Variants in GUCY1A1 observed in about 807,000 individuals in gnomAD.
GUCY1A1 encodes guanylate cyclase 1 soluble subunit alpha 1, also known as guanylate cyclase soluble subunit alpha-1.
A neutral mutation model predicts 64.5 loss-of-function variants in GUCY1A1; 48 were observed. The ratio of observed to expected loss-of-function variants is 0.74; its 90% CI spans 0.59 to 0.95. The LOEUF (loss-of-function observed/expected upper bound fraction) is 0.95. GUCY1A1 is among the 40% of genes least tolerant of loss of function. The probability of loss-of-function intolerance (pLI) is 0.00; values close to 1 mark genes in which losing one functional copy is unlikely to be tolerated. For missense variants in GUCY1A1, 804 were observed against 825.3 expected, an observed-to-expected ratio of 0.97 and a Z score of 0.32; for synonymous variants, 308 against 303.4, an observed-to-expected ratio of 1.02 and a Z score of -0.16.
chr4:155,717,319 A>AT lies in GUCY1A1; in HGVS notation c.1716+19dup. 6.5e-7 allele frequency: 1 copy of AT among 1,528,422 alleles called. No individual in the cohort carries two copies. The allele number at this position is 1,528,422 out of a possible 1,614,324, so 94.7% of individuals were successfully genotyped here. A position where few individuals can be genotyped will look rare whatever the true frequency, so the allele number is the denominator to read the frequency against. On this transcript the variant is annotated intron_variant, in intron 8 of 9. Coordinates refer to ENST00000506455, the MANE Select transcript of GUCY1A1 (RefSeq NM_001130682.3). ...CCTATCAAGGTAAGGCAGATGATAT[A>AT]TTGTCCAAAAGATGTCACAAGAGCA...
intron 2 of GUCY1A1, among the ~76,000 whole-genome samples, chr4:155,679,512 GGAGA>G (rs1488340683): frequency 6.6e-6 from 1 of 152,042 alleles, no homozygotes; most frequent in Non-Finnish European, 1.5e-5. Flanking sequence ...AGGAAGCGAG[GGAGA>G]GAGAGAGGAG....
intron 8 of GUCY1A1, among the ~76,000 whole-genome samples, chr4:155,719,396 C>T (rs760288033): frequency 3.3e-5 from 5 of 151,986 alleles, no homozygotes; most frequent in African/African-American, 9.7e-5. Context: ...GACTTAACAT[C>T]GTCTCATTTA....
At chr4:155,693,375 C>T (rs1015345711) in intron 2 of GUCY1A1, among the ~76,000 whole-genome samples, 2 of 152,124 alleles carry the variant, frequency 1.3e-5, no homozygotes, top group Non-Finnish European at 2.9e-5. Context: ...TTTCCCTTAC[C>T]ATGTTACTAC....
In GUCY1A1 at chr4:155,713,225, T is replaced by A. The variant is rs748524479; in HGVS notation, c.1214T>A (p.Ile405Asn). The A allele has an allele frequency of 6.2e-7, 1 of 1,614,050 alleles. No individual in the cohort carries two copies. The highest frequency in any genetic ancestry group is 1.1e-5 in the South Asian group (1 of 91,078). The change falls in exon 7 of 10, where the codon ATT (isoleucine) becomes AAT (asparagine). Residue 405 changes from isoleucine (I) to asparagine (N), a missense_variant. Physicochemically the swap from Ile to Asn is moderately radical, Grantham distance 149. Coordinates refer to ENST00000506455, the MANE Select transcript of GUCY1A1 (RefSeq NM_001130682.3). ...GGGCTCTACCTCTCAGACATCCCAA[T>A]TCACAATGCACTGAGGGATGTGGTC... Reference protein sequence around the residue: ...GRGLYLSDIPIHNALRDVVLI... With the variant: ...GRGLYLSDIPNHNALRDVVLI...
chr4:155,688,964 G>A (rs550673295), intron 2 of GUCY1A1, among the ~76,000 whole-genome samples: 1 of 151,548 alleles, frequency 6.6e-6, no homozygotes, highest in Admixed American at 6.6e-5. Context: ...GAGTTATGGA[G>A]ACAAGAGAAA....
At chr4:155,721,348 A>G (rs1733936150) in intron 8 of GUCY1A1, among the ~76,000 whole-genome samples, 2 of 152,174 alleles carry the variant, frequency 1.3e-5, no homozygotes, top group Admixed American at 6.6e-5. Flanking sequence ...TTTTGCCACA[A>G]CACATCCCAG....
rs1221071399 is a variant in GUCY1A1, at chr4:155,730,382, AAATG to A, written c.*152_*155del. ...AATCTTTCTCCTGTTTAACATGACA[AAATG>A]TATGTACTCACTTCAGTACTTCAGC... On this transcript the variant is annotated 3_prime_UTR_variant, in exon 10 of 10. Transcript: ENST00000506455. The A allele has an allele frequency of 2.1e-6, 1 of 469,818 alleles. No individual in the cohort carries two copies. Among genetic ancestry groups the A allele is most frequent in the African/African-American group, 5.8e-5 (1 of 17,296 alleles). The allele number at this position is 469,818 out of a possible 1,614,324, so 29.1% of individuals were successfully genotyped here.
chr4:155,693,600 T>C (rs938071280), intron 2 of GUCY1A1, among the ~76,000 whole-genome samples: 3 of 152,170 alleles, frequency 2.0e-5, no homozygotes, highest in Non-Finnish European at 4.4e-5. Flanking sequence ...CATAGTGTAA[T>C]TTCATCAGTT....
At chr4:155,713,670 C>G (rs1399250058) in intron 7 of GUCY1A1, 87 bp downstream of exon 7, 1 of 1,414,788 alleles carries the variant, frequency 7.1e-7, no homozygotes. Flanking sequence ...TATAATGCAA[C>G]TGAAAGGCCA....
chr4:155,713,333 A>G lies in GUCY1A1; in HGVS notation c.1322A>G (p.Gln441Arg). The change falls in exon 7 of 10, where the codon CAA becomes CGA. Residue 441 changes from glutamine (Q) to arginine (R), a missense_variant. Transcript: ENST00000506455. ...AAGGCTACCCTTGAGCAAGCCCACC[A>G]AGCCCTGGAGGAGGAGAAGAAAAAG... Reference protein sequence around the residue: ...KLKATLEQAHQALEEEKKKTV... With the variant: ...KLKATLEQAHRALEEEKKKTV... The G allele has an allele frequency of 6.2e-7, 1 of 1,614,190 alleles. No individual in the cohort carries two copies. The highest frequency in any genetic ancestry group is 8.5e-7 in the Non-Finnish European group (1 of 1,180,026).
intron 8 of GUCY1A1, 122 bp downstream of exon 8, chr4:155,717,424 T>G: frequency 1.9e-6 from 1 of 523,274 alleles, no homozygotes; most frequent in Non-Finnish European, 3.2e-6. Flanking sequence ...AAAATCTATA[T>G]AGAGAACACA....
At chr4:155,672,416 T>G (rs1402476108) in intron 2 of GUCY1A1, among the ~76,000 whole-genome samples, 1 of 152,206 alleles carries the variant, frequency 6.6e-6, no homozygotes, top group Admixed American at 6.5e-5. Flanking sequence ...TATAAGGCTG[T>G]TCAACCAGTT....
Position 155,722,178 on chromosome 4 carries a change from C to T in GUCY1A1, c.1857C>T (p.Ser619=). ...GTGTACCACGAAAAATCAATGTCAGCCCAACAACTTACAGGTAGTAATTAT... is the reference window on the plus strand; with the variant it reads ...GTGTACCACGAAAAATCAATGTCAGTCCAACAACTTACAGGTAGTAATTAT... ...SCSVPRKINV[S]PTTYRLLKDC... The change falls in exon 9 of 10, where the codon AGC becomes AGT. Residue 619 remains serine, a synonymous_variant. Transcript: ENST00000506455. 1 of 1,612,224 alleles carries T rather than the reference C, an allele frequency of 6.2e-7. No individual in the cohort carries two copies. Among genetic ancestry groups the T allele is most frequent in the South Asian group, 1.1e-5 (1 of 90,862 alleles).
intron 2 of GUCY1A1, among the ~76,000 whole-genome samples, chr4:155,696,127 GT>G (rs1281465829): frequency 1.3e-5 from 2 of 151,972 alleles, no homozygotes; most frequent in Non-Finnish European, 2.9e-5. Flanking sequence ...GAGTTCTGAT[GT>G]TTTTTTCATT....
At chr4:155,688,295 G>T (rs919840614) in intron 2 of GUCY1A1, among the ~76,000 whole-genome samples, 8 of 151,868 alleles carry the variant, frequency 5.3e-5, no homozygotes, top group African/African-American at 1.9e-4. Context: ...GTGTGTGTAT[G>T]TAAGTATGTA....
rs998839469 is a variant in GUCY1A1 at position 155,733,277 on chromosome 4, G to C, written c.*3046G>C. On this transcript the variant is annotated 3_prime_UTR_variant, in exon 10 of 10. Transcript: ENST00000506455. ...CACAAAGTAGGGGACTCAGTTCTTA[G>C]AGAAGTCTTTTGGTCTTAGAGTTCA... Among the ~76,000 whole-genome samples the C allele has an allele frequency of 2.6e-5, 4 of 151,686 alleles. No individual in the cohort carries two copies. Among genetic ancestry groups the C allele is most frequent in the African/African-American group, 9.7e-5 (4 of 41,346 alleles).
At chr4:155,708,426 G>A (rs540495907) in intron 5 of GUCY1A1, 132 bp downstream of exon 5, 101 of 549,162 alleles carry the variant, frequency 1.8e-4, no homozygotes, top group Non-Finnish European at 1.3e-4. Flanking sequence ...TTCTGTTAAC[G>A]TAAAGAGTAA....
At position 155,730,389 on chromosome 4, in the gene GUCY1A1, T is replaced by C. The variant is rs991036577; in HGVS notation, c.*158T>C. 1.5e-5 allele frequency: 7 copies of C among 480,442 alleles called. No homozygotes were observed. Among genetic ancestry groups the C allele is most frequent in the East Asian group, 3.0e-5 (1 of 33,572 alleles). 29.8% of individuals were successfully genotyped at this position (480,442 alleles called of 1,614,324 possible). ...CTCCTGTTTAACATGACAAAATGTA[T>C]GTACTCACTTCAGTACTTCAGCTCT... On this transcript the variant is annotated 3_prime_UTR_variant, in exon 10 of 10. Coordinates refer to ENST00000506455, the MANE Select transcript of GUCY1A1 (RefSeq NM_001130682.3).
At chr4:155,692,187 G>C (rs937116046) in intron 2 of GUCY1A1, among the ~76,000 whole-genome samples, 1 of 152,078 alleles carries the variant, frequency 6.6e-6, no homozygotes, top group Non-Finnish European at 1.5e-5. Flanking sequence ...TCTTTATCCA[G>C]TTTATCATTG....
Sources: allele counts gnomAD v4.1 joint callset (sites outside exome capture counted in the v4.1 genomes callset), GRCh38; gene constraint gnomAD v4.1.1; transcripts MANE v1.5; gene names NCBI Gene and HGNC (gene_info 2026-07-23, HGNC 2026-07-21).